Variants in SYT9 observed in about 807,000 individuals in gnomAD.
SYT9 encodes synaptotagmin 9.
A neutral mutation model predicts 48.4 loss-of-function variants in SYT9; 22 were observed. The observed-to-expected ratio is 0.45, with a 90% confidence interval of 0.32 to 0.65. SYT9 has a LOEUF of 0.65. SYT9 is among the 30% of genes least tolerant of loss of function. The pLI, the probability that SYT9 is intolerant of heterozygous loss-of-function variation, is 0.03. For missense variants in SYT9, 577 were observed against 622.0 expected, an observed-to-expected ratio of 0.93 and a Z score of 0.77; for synonymous variants, 265 against 245.0, an observed-to-expected ratio of 1.08 and a Z score of -0.76.
intron 6 of SYT9, among the ~76,000 whole-genome samples, chr11:7,443,467 C>A (rs1026809979): frequency 2.0e-5 from 3 of 152,210 alleles, no homozygotes; most frequent in Non-Finnish European, 2.9e-5. Context: ...GAGAGCACAG[C>A]CCGTGCACAT....
chr11:7,431,645 T>C (rs1847573588), intron 6 of SYT9, among the ~76,000 whole-genome samples: 1 of 152,234 alleles, frequency 6.6e-6, no homozygotes, highest in Non-Finnish European at 1.5e-5. Context: ...AATGGTTTTG[T>C]GGGCCAGGAC....
intron 3 of SYT9, among the ~76,000 whole-genome samples, chr11:7,396,138 G>A (rs998617646): frequency 1.3e-5 from 2 of 151,950 alleles, no homozygotes; most frequent in Non-Finnish European, 1.5e-5. Flanking sequence ...TATAAGTTTT[G>A]TCCCATACTT....
At chr11:7,346,369 A>C (rs1564870820) in intron 3 of SYT9, among the ~76,000 whole-genome samples, 2 of 152,254 alleles carry the variant, frequency 1.3e-5, no homozygotes, top group Non-Finnish European at 2.9e-5. Flanking sequence ...CTGAGACCCC[A>C]TCGGATGGCA....
intron 3 of SYT9, among the ~76,000 whole-genome samples, chr11:7,410,496 A>G (rs11522663): frequency 0.23 from 34,885 of 152,054 alleles, 4,571 homozygotes; most frequent in Non-Finnish European, 0.3. Flanking sequence ...CTCTAGTTAT[A>G]TTTGCTTTAT....
intron 3 of SYT9, among the ~76,000 whole-genome samples, chr11:7,365,938 T>C (rs1850232635): frequency 6.6e-6 from 1 of 152,234 alleles, no homozygotes; most frequent in Non-Finnish European, 1.5e-5. Flanking sequence ...GGGACACTGA[T>C]ACTGATCTCT....
chr11:7,442,637 C>A (rs1847848649), intron 6 of SYT9, among the ~76,000 whole-genome samples: 1 of 152,186 alleles, frequency 6.6e-6, no homozygotes, highest in African/African-American at 2.4e-5. Flanking sequence ...TTCCTGTCAG[C>A]CGTTTTCTCC....
chr11:7,243,338 T>G (rs1847758436), intron 1 of SYT9, among the ~76,000 whole-genome samples: 2 of 152,240 alleles, frequency 1.3e-5, no homozygotes, highest in Admixed American at 6.5e-5. Context: ...ATTAATGTGA[T>G]TAAGCACTAA....
chr11:7,394,771 G>C lies in SYT9; in HGVS notation c.1045-21271G>C, dbSNP rs943451897. On this transcript the variant is annotated intron_variant, in intron 3 of 6. Coordinates refer to ENST00000318881, the MANE Select transcript of SYT9 (RefSeq NM_175733.4). Reference sequence around the variant, plus strand: ...TTCTAATTCCTTTAGGTACAAGTCAGATTATTAATTTGAGATTTTTCTATC... The same window carrying C: ...TTCTAATTCCTTTAGGTACAAGTCACATTATTAATTTGAGATTTTTCTATC... Among the ~76,000 whole-genome samples the C allele has an allele frequency of 2.0e-5, 3 of 152,172 alleles. No individual in the cohort carries two copies. The South Asian group carries it at 6.2e-4, about 32-fold the overall frequency.
intron 3 of SYT9, among the ~76,000 whole-genome samples, chr11:7,386,203 A>G (rs534655962): frequency 6.6e-6 from 1 of 152,266 alleles, no homozygotes; most frequent in African/African-American, 2.4e-5. Flanking sequence ...CCTGGAAGAA[A>G]ACCTAGGCAA....
intron 3 of SYT9, among the ~76,000 whole-genome samples, chr11:7,353,422 A>C (rs1451293618): frequency 1.3e-5 from 2 of 152,128 alleles, no homozygotes; most frequent in South Asian, 2.1e-4. Flanking sequence ...CAGCTTCCCC[A>C]GGAACCCCCT....
intron 3 of SYT9, among the ~76,000 whole-genome samples, chr11:7,317,433 C>T (rs1242261445): frequency 1.3e-5 from 2 of 152,140 alleles, no homozygotes; most frequent in Non-Finnish European, 2.9e-5. Flanking sequence ...CCTGGTGAGG[C>T]TCTCTTCCTG....
At position 7,330,559 on chromosome 11, in the gene SYT9, T is replaced by C. The variant is rs150743384; in HGVS notation, c.1044+16618T>C. 3.2e-3 allele frequency among the ~76,000 whole-genome samples: 484 copies of C among 152,318 alleles called. 1 individual carries two copies. Among genetic ancestry groups the C allele is most frequent in the African/African-American group, 0.011 (465 of 41,574 alleles). On this transcript the variant is annotated intron_variant, in intron 3 of 6. Coordinates refer to ENST00000318881, the MANE Select transcript of SYT9 (RefSeq NM_175733.4). Reference sequence around the variant, plus strand: ...AAAGAGTGACCGTCGAGTTTGAAGATACAGGAATATATAAAATATTTCTGT... The same window carrying C: ...AAAGAGTGACCGTCGAGTTTGAAGACACAGGAATATATAAAATATTTCTGT...
rs549375259 is a variant in SYT9 at position 7,306,440 on chromosome 11, C to T, written c.497+3050C>T. Among the ~76,000 whole-genome samples the T allele has an allele frequency of 5.8e-4, 89 of 152,328 alleles. 1 individual carries two copies. Among genetic ancestry groups the T allele is most frequent in the South Asian group, 2.9e-3 (14 of 4,828 alleles). On this transcript the variant is annotated intron_variant, in intron 2 of 6. Transcript: ENST00000318881. ...TAATACTGCCACAGTCTGCTTCCAACAGCCTCACCTTATGGCCAAGGCCAC... is the reference window on the plus strand; with the variant it reads ...TAATACTGCCACAGTCTGCTTCCAATAGCCTCACCTTATGGCCAAGGCCAC...
intron 3 of SYT9, among the ~76,000 whole-genome samples, chr11:7,352,687 C>T (rs1302287877): frequency 6.6e-6 from 1 of 152,138 alleles, no homozygotes; most frequent in African/African-American, 2.4e-5. Context: ...CTCCCCTGCA[C>T]TTGTTATGGA....
At chr11:7,366,834 T>C (rs1350525554) in intron 3 of SYT9, among the ~76,000 whole-genome samples, 1 of 152,058 alleles carries the variant, frequency 6.6e-6, no homozygotes, top group Non-Finnish European at 1.5e-5. Flanking sequence ...TACTATTGTA[T>C]AGTTCCACAA....
chr11:7,418,825 G>T (rs992895886), intron 5 of SYT9, among the ~76,000 whole-genome samples: 1 of 152,088 alleles, frequency 6.6e-6, no homozygotes, highest in Admixed American at 6.5e-5. Context: ...GTACCAACAG[G>T]GAATTATACA....
chr11:7,353,121 G>C (rs1348851117), intron 3 of SYT9, among the ~76,000 whole-genome samples: 1 of 152,082 alleles, frequency 6.6e-6, no homozygotes, highest in East Asian at 1.9e-4. Flanking sequence ...TTCTGCTCTG[G>C]AAAAGTCAAG....
At chr11:7,456,055 T>C (rs1287309168) in intron 6 of SYT9, among the ~76,000 whole-genome samples, 1 of 152,194 alleles carries the variant, frequency 6.6e-6, no homozygotes, top group Non-Finnish European at 1.5e-5. Flanking sequence ...CCTTAATAGT[T>C]TGATTGTATT....
intron 6 of SYT9, among the ~76,000 whole-genome samples, chr11:7,455,334 A>ATTTTTT (rs34629945): frequency 3.7e-5 from 5 of 136,538 alleles, no homozygotes; most frequent in African/African-American, 1.1e-4. Flanking sequence ...TGTTTAAGCT[A>ATTTTTT]TTTTTTTTTT....
Sources: allele counts gnomAD v4.1 joint callset (sites outside exome capture counted in the v4.1 genomes callset), GRCh38; gene constraint gnomAD v4.1.1; transcripts MANE v1.5; gene names NCBI Gene and HGNC (gene_info 2026-07-23, HGNC 2026-07-21).